AKT1: variants seen among roughly 807,000 people sequenced by gnomAD.
AKT1 encodes AKT serine/threonine kinase 1.
A neutral mutation model predicts 63.1 loss-of-function variants in AKT1; 21 were observed. The observed-to-expected ratio is 0.33, with a 90% confidence interval of 0.24 to 0.48. The LOEUF (loss-of-function observed/expected upper bound fraction) is 0.48. AKT1 is among the 20% of genes least tolerant of loss of function. The probability of loss-of-function intolerance (pLI) is 0.99; values close to 1 mark genes in which losing one functional copy is unlikely to be tolerated. For missense variants in AKT1, 382 were observed against 666.0 expected (o/e 0.57, Z 4.69); for synonymous variants, 257 against 253.1 (o/e 1.02, Z -0.15).
chr14:104,770,231 G>A lies in AKT1; in HGVS notation c.*110C>T, dbSNP rs17846821. ...TTCCATCTGGGCTCGAGAGGACAGC[G>A]TGGCTTCTCTCAAATGCACCCGAGA... On this transcript the variant is annotated 3_prime_UTR_variant, in exon 15 of 15. Coordinates refer to ENST00000649815, the MANE Select transcript of AKT1 (RefSeq NM_001382430.1). The A allele has an allele frequency of 9.3e-5, 114 of 1,225,004 alleles. No homozygotes were observed. The East Asian group carries it at 2.2e-3, about 24-fold the overall frequency. 75.9% of individuals were successfully genotyped at this position (1,225,004 alleles called of 1,614,324 possible).
chr14:104,774,920 A>T lies in AKT1; in HGVS notation c.633+18T>A. ...TACCTGGCCCCAGCCCTTCAGCCCCATCTGGGCTCCCACTCACTGTGAGGA... is the reference window on the plus strand; with the variant it reads ...TACCTGGCCCCAGCCCTTCAGCCCCTTCTGGGCTCCCACTCACTGTGAGGA... On this transcript the variant is annotated intron_variant, in intron 8 of 14. Transcript: ENST00000649815. 6.2e-7 allele frequency: 1 copy of T among 1,606,904 alleles called. No homozygotes were observed. Among genetic ancestry groups the T allele is most frequent in the Non-Finnish European group, 8.5e-7 (1 of 1,177,390 alleles).
chr14:104,782,870 G>A (rs1006579970), intron 3 of AKT1, among the ~76,000 whole-genome samples: 2 of 152,176 alleles, frequency 1.3e-5, no homozygotes, highest in Non-Finnish European at 2.9e-5. Context: ...CGCCTAGAGG[G>A]TCAGCTAGAG....
chr14:104,769,455 G>A lies in AKT1; in HGVS notation c.*886C>T, dbSNP rs528550066. 4.8e-5 allele frequency: 21 copies of A among 436,544 alleles called. No homozygotes were observed. The highest frequency in any genetic ancestry group is 1.8e-4 in the South Asian group (10 of 54,374). 27.0% of individuals were successfully genotyped at this position (436,544 alleles called of 1,614,324 possible). Reference sequence around the variant, plus strand: ...TTGTAAAAAAACGCCGTGGTGCAGCGGCAGCGGCAGCGTCTGGCCAGGAGG... The same window carrying A: ...TTGTAAAAAAACGCCGTGGTGCAGCAGCAGCGGCAGCGTCTGGCCAGGAGG... On this transcript the variant is annotated 3_prime_UTR_variant, in exon 15 of 15. Transcript: ENST00000649815.
At chr14:104,785,189 A>G (rs1054592882) in intron 3 of AKT1, among the ~76,000 whole-genome samples, 3 of 152,084 alleles carry the variant, frequency 2.0e-5, no homozygotes, top group African/African-American at 7.2e-5. Context: ...ACGGCAGCCC[A>G]TGAGGGGCCC....
chr14:104,786,036 C>T (rs1893313369), intron 3 of AKT1, among the ~76,000 whole-genome samples: 1 of 152,144 alleles, frequency 6.6e-6, no homozygotes. Context: ...AGGCACCCCA[C>T]CTGCCACACA....
intron 3 of AKT1, among the ~76,000 whole-genome samples, chr14:104,786,845 G>C (rs1893358726): frequency 6.6e-6 from 1 of 152,202 alleles, no homozygotes; most frequent in Non-Finnish European, 1.5e-5. Flanking sequence ...CCTGGCTGCT[G>C]TGCCCCTGGC....
At position 104,769,441 on chromosome 14, in the gene AKT1, C is replaced by T. The variant is rs1025949075; in HGVS notation, c.*900G>A. On this transcript the variant is annotated 3_prime_UTR_variant, in exon 15 of 15. Coordinates refer to ENST00000649815, the MANE Select transcript of AKT1 (RefSeq NM_001382430.1). The stretch of plus-strand genomic sequence containing the variant: ...ACTAAAGTTGAATGTTGTAAAAAAA[C>T]GCCGTGGTGCAGCGGCAGCGGCAGC... The T allele has an allele frequency of 4.9e-6, 2 of 407,170 alleles. No homozygotes were observed. The highest frequency in any genetic ancestry group is 2.1e-5 in the African/African-American group (1 of 47,516). 25.2% of individuals were successfully genotyped at this position (407,170 alleles called of 1,614,324 possible).
At position 104,775,210 on chromosome 14, in the gene AKT1, A is replaced by G. The variant is rs368553273; in HGVS notation, c.436-3T>C. 3.3e-5 allele frequency: 53 copies of G among 1,613,520 alleles called. No homozygotes were observed. Among genetic ancestry groups the G allele is most frequent in the Non-Finnish European group, 4.1e-5 (48 of 1,180,020 alleles). On this transcript the variant is annotated splice_region_variant and splice_polypyrimidine_tract_variant and intron_variant, in intron 6 of 14. Coordinates refer to ENST00000649815, the MANE Select transcript of AKT1 (RefSeq NM_001382430.1). ...AGGTACTCAAACTCGTTCATGGTCT[A>G]TGGGCAGGCACCAGGGTCAGCAAGC...
Position 104,772,428 on chromosome 14 carries a change from G to T in AKT1, c.1197C>A (p.Ala399=). 1 of 1,613,578 alleles carries T rather than the reference G, an allele frequency of 6.2e-7. No individual in the cohort carries two copies. The highest frequency in any genetic ancestry group is 8.5e-7 in the Non-Finnish European group (1 of 1,180,042). The part of the protein sequence containing the change: ...KQRLGGGSED[A]KEIMQHRFFA... Reference sequence around the variant, plus strand: ...AGAAGCGATGCTGCATGATCTCCTTGGCGTCCTCGGAGCCCCCGCCAAGCC... The same window carrying T: ...AGAAGCGATGCTGCATGATCTCCTTTGCGTCCTCGGAGCCCCCGCCAAGCC... The change falls in exon 13 of 15, where the codon GCC becomes GCA. Residue 399 remains alanine, a synonymous_variant. Transcript: ENST00000649815.
chr14:104,792,744 GA>G, intron 2 of AKT1, 22 bp from the exon 3 acceptor site: 1 of 1,452,640 alleles, frequency 6.9e-7, no homozygotes. Flanking sequence ...AAAGGAAGCT[GA>G]ATGTGAGGCC....
intron 12 of AKT1, 133 bp from the exon 13 acceptor site, chr14:104,772,585 A>G (rs1373161157): frequency 1.2e-5 from 10 of 867,818 alleles, no homozygotes; most frequent in Non-Finnish European, 1.6e-5. Context: ...CCGGTGGTGC[A>G]GCGTCCCTGA....
chr14:104,783,211 TCTC>T (rs1344764181), intron 3 of AKT1, among the ~76,000 whole-genome samples: 1 of 151,992 alleles, frequency 6.6e-6, no homozygotes, highest in Non-Finnish European at 1.5e-5. Flanking sequence ...CATGGAGTCT[TCTC>T]CTTCACTATC....
At chr14:104,776,803 T>C (rs1892740831) in intron 4 of AKT1, 33 bp from the exon 5 acceptor site, 3 of 1,581,840 alleles carry the variant, frequency 1.9e-6, no homozygotes, top group Admixed American at 1.7e-5. Flanking sequence ...TCTGCGTGCA[T>C]CCCCCTGCCC....
rs958061670 is a variant in AKT1 at position 104,769,640 on chromosome 14, G to A, written c.*701C>T. 1 of 507,930 alleles carries A rather than the reference G, an allele frequency of 2.0e-6. No individual in the cohort carries two copies. Among genetic ancestry groups the A allele is most frequent in the Non-Finnish European group, 3.8e-6 (1 of 263,614 alleles). The allele number at this position is 507,930 out of a possible 1,614,324, so 31.5% of individuals were successfully genotyped here. ...AGTCACCAAGAACTGTGACACAGAA[G>A]GGGAAGGGGGAGGGCTTTCCTGTCA... On this transcript the variant is annotated 3_prime_UTR_variant, in exon 15 of 15. Coordinates refer to ENST00000649815, the MANE Select transcript of AKT1 (RefSeq NM_001382430.1).
chr14:104,770,688 G>A, intron 14 of AKT1, 57 bp downstream of exon 14: 2 of 1,458,630 alleles, frequency 1.4e-6, no homozygotes, highest in South Asian at 1.1e-5. Flanking sequence ...AACACTGCAG[G>A]CCTCTCTGAG....
At chr14:104,786,496 C>T (rs1893340985) in intron 3 of AKT1, 1 of 152,302 alleles carries the variant, frequency 6.6e-6, no homozygotes, top group African/African-American at 2.4e-5. Context: ...GGGCAGGGCC[C>T]CTGGCGGTTG....
At chr14:104,790,748 G>A (rs1893586787) in intron 3 of AKT1, among the ~76,000 whole-genome samples, 1 of 152,192 alleles carries the variant, frequency 6.6e-6, no homozygotes, top group Non-Finnish European at 1.5e-5. Flanking sequence ...CTGGCCTGAG[G>A]CTAGGGGCCA....
In AKT1 at chr14:104,770,108, C is replaced by T. The variant is rs982509372; in HGVS notation, c.*233G>A. Reference sequence around the variant, plus strand: ...TTGTTCTGAGGGCTGAGGCCACACCCGGAGAACAAACTGGATGAAATAAAT... The same window carrying T: ...TTGTTCTGAGGGCTGAGGCCACACCTGGAGAACAAACTGGATGAAATAAAT... On this transcript the variant is annotated 3_prime_UTR_variant, in exon 15 of 15. Coordinates refer to ENST00000649815, the MANE Select transcript of AKT1 (RefSeq NM_001382430.1). 14 of 590,570 alleles carry T rather than the reference C, an allele frequency of 2.4e-5. 1 individual carries two copies. The highest frequency in any genetic ancestry group is 7.1e-4 in the Middle Eastern group (2 of 2,818). 36.6% of individuals were successfully genotyped at this position (590,570 alleles called of 1,614,324 possible).
At chr14:104,788,846 G>T (rs542396039) in intron 3 of AKT1, among the ~76,000 whole-genome samples, 88 of 152,276 alleles carry the variant, frequency 5.8e-4, no homozygotes, top group African/African-American at 2.0e-3. Context: ...TGGACTGGGG[G>T]GTCTATGCCA....
Sources: allele counts gnomAD v4.1 joint callset (sites outside exome capture counted in the v4.1 genomes callset), GRCh38; gene constraint gnomAD v4.1.1; transcripts MANE v1.5; gene names NCBI Gene and HGNC (gene_info 2026-07-23, HGNC 2026-07-21).